The following GBE1 variants were observed in gnomAD, a reference collection of about 807,000 sequenced individuals.
GBE1 encodes the protein 1,4-alpha-glucan-branching enzyme.
In GBE1, 70 loss-of-function variants were observed where a neutral mutation model predicts 88.8. The ratio of observed to expected loss-of-function variants is 0.79; its 90% CI spans 0.65 to 0.96. GBE1 has a LOEUF of 0.96. Ranked by LOEUF, GBE1 falls within the 40% of genes least tolerant of loss-of-function variation. The pLI is 0.00. For synonymous variants in GBE1, 284 were observed against 300.1 expected, an observed-to-expected ratio of 0.95 and a Z score of 0.56; for missense variants, 872 against 871.0, an observed-to-expected ratio of 1.00 and a Z score of -0.01.
chr3:81,750,611 A>ACG lies in GBE1; in HGVS notation c.143+10763_143+10764insCG, dbSNP rs1221840398. Among the ~76,000 whole-genome samples the ACG allele has an allele frequency of 4.7e-4, 28 of 59,524 alleles. 1 individual carries two copies. The highest frequency in any genetic ancestry group is 2.1e-3 in the African/African-American group (24 of 11,170). 39.1% of individuals were successfully genotyped at this position (59,524 alleles called of 152,430 possible). On this transcript the variant is annotated intron_variant, in intron 1 of 15. Transcript: ENST00000429644. Reference sequence around the variant, plus strand: ...TACGTATATATATATGTGTATATATATATATGTATATATATATACGTATAT... The same window carrying ACG: ...TACGTATATATATATGTGTATATATACGTATATGTATATATATATACGTATAT...
chr3:81,612,273 G>A, intron 7 of GBE1: 2 of 557,964 alleles, frequency 3.6e-6, no homozygotes, highest in Non-Finnish European at 5.6e-6. Context: ...TCCTCATGTT[G>A]CCTCTTCCTG....
chr3:81,736,678 G>A (rs919143395), intron 1 of GBE1, among the ~76,000 whole-genome samples: 5 of 152,034 alleles, frequency 3.3e-5, no homozygotes, highest in Admixed American at 1.3e-4. Flanking sequence ...TTGGCTACAG[G>A]GCTTCCTAAA....
chr3:81,546,572 C>T (rs1291933470), intron 12 of GBE1, among the ~76,000 whole-genome samples: 1 of 151,286 alleles, frequency 6.6e-6, no homozygotes, highest in African/African-American at 2.4e-5. Flanking sequence ...CCAGCTAAAA[C>T]CCACCAAAAC....
In GBE1 at chr3:81,548,386, C is replaced by T. The variant is rs1331978172; in HGVS notation, c.1619-11291G>A. On this transcript the variant is annotated intron_variant, in intron 12 of 15. Transcript: ENST00000429644. ...AAGGTGAAATTTGGCTTATTTGGTA[C>T]AAAAATCATACAGGAAGCACTGTCA... Among the ~76,000 whole-genome samples the T allele has an allele frequency of 3.3e-5, 5 of 151,216 alleles. 1 individual carries two copies. The highest frequency in any genetic ancestry group is 6.6e-5 in the Admixed American group (1 of 15,192).
At chr3:81,500,383 A>G (rs1205053887) in intron 14 of GBE1, among the ~76,000 whole-genome samples, 2 of 152,246 alleles carry the variant, frequency 1.3e-5, no homozygotes, top group African/African-American at 4.8e-5. Flanking sequence ...ATGAAAATAA[A>G]TAATCAAAGA....
Position 81,612,235 on chromosome 3 carries a change from A to AAAC in GBE1, c.993-18213_993-18212insGTT, listed in dbSNP as rs1553685864. The AAAC allele has an allele frequency of 2.5e-5, 13 of 512,598 alleles. 1 individual carries two copies. In the Admixed American group the frequency reaches 3.2e-4, roughly 13 times the overall value. 31.8% of individuals were successfully genotyped at this position (512,598 alleles called of 1,614,324 possible). A position where few individuals can be genotyped will look rare whatever the true frequency, so the allele number is the denominator to read the frequency against. On this transcript the variant is annotated intron_variant, in intron 7 of 15. Coordinates refer to ENST00000429644, the MANE Select transcript of GBE1 (RefSeq NM_000158.4). ...CACGCTCCTTTAAAAAAAAAAAAAA[A>AAAC]AAAAAAAACTTAAAGAAGCTCTCTG...
chr3:81,731,582 A>G (rs1454396239), intron 1 of GBE1, among the ~76,000 whole-genome samples: 3 of 152,156 alleles, frequency 2.0e-5, no homozygotes, highest in Non-Finnish European at 4.4e-5. Context: ...TCAAATTGTA[A>G]TAATACCTAA....
intron 1 of GBE1, among the ~76,000 whole-genome samples, chr3:81,716,565 A>G (rs1025329232): frequency 6.6e-6 from 1 of 152,160 alleles, no homozygotes; most frequent in African/African-American, 2.4e-5. Context: ...ATTTAGTGGT[A>G]CCATTTAGAA....
At chr3:81,602,812 T>C (rs1372651235) in intron 7 of GBE1, among the ~76,000 whole-genome samples, 3 of 152,212 alleles carry the variant, frequency 2.0e-5, no homozygotes, top group African/African-American at 4.8e-5. Context: ...TATTCTTTCT[T>C]GTTTTAATCA....
At chr3:81,744,425 G>A (rs779595654) in intron 1 of GBE1, among the ~76,000 whole-genome samples, 1 of 152,034 alleles carries the variant, frequency 6.6e-6, no homozygotes, top group Non-Finnish European at 1.5e-5. Context: ...CATTTCTATT[G>A]GATAACATTG....
At chr3:81,750,697 ATTTTTTT>A in intron 1 of GBE1, among the ~76,000 whole-genome samples, 1 of 78,934 alleles carries the variant, frequency 1.3e-5, no homozygotes, top group East Asian at 4.2e-4. Context: ...ATATATATGT[ATTTTTTT>A]TTTTTTGGCT....
intron 7 of GBE1, among the ~76,000 whole-genome samples, chr3:81,605,752 G>A (rs1015343949): frequency 2.6e-5 from 4 of 152,098 alleles, no homozygotes; most frequent in Admixed American, 6.6e-5. Flanking sequence ...AGGTCTCAGC[G>A]TTGCATGGCT....
chr3:81,634,109 G>A (rs9860805), intron 7 of GBE1, among the ~76,000 whole-genome samples: 97,994 of 152,050 alleles, frequency 0.64, 33,209 homozygotes, highest in East Asian at 0.94. Flanking sequence ...CAGGTTGCCA[G>A]TAAGAACCAC....
intron 6 of GBE1, among the ~76,000 whole-genome samples, chr3:81,645,481 C>A (rs1241252260): frequency 6.6e-6 from 1 of 152,130 alleles, no homozygotes; most frequent in South Asian, 2.1e-4. Flanking sequence ...ATACCCTTGA[C>A]AAAAGCAACT....
intron 12 of GBE1, among the ~76,000 whole-genome samples, chr3:81,573,319 T>G (rs1703599489): frequency 6.6e-6 from 1 of 152,216 alleles, no homozygotes; most frequent in Non-Finnish European, 1.5e-5. Context: ...GCTTCAAGCC[T>G]ACTCTTACTT....
intron 11 of GBE1, among the ~76,000 whole-genome samples, chr3:81,580,817 A>G (rs1703717591): frequency 6.6e-6 from 1 of 152,052 alleles, no homozygotes; most frequent in Non-Finnish European, 1.5e-5. Flanking sequence ...GCAGCCTAAG[A>G]CGGAAACTAA....
rs566321711 is a variant in GBE1 at position 81,751,323 on chromosome 3, C to T, written c.143+10052G>A. 9.6e-4 allele frequency among the ~76,000 whole-genome samples: 146 copies of T among 152,266 alleles called. 1 individual carries two copies. Among genetic ancestry groups the T allele is most frequent in the Admixed American group, 3.1e-3 (47 of 15,292 alleles). ...TTTCATCTTCTGCCAGATGTAGTTT[C>T]CTCTTTGGAGAAAGGAAAAGAGCCC... On this transcript the variant is annotated intron_variant, in intron 1 of 15. Transcript: ENST00000429644.
intron 12 of GBE1, among the ~76,000 whole-genome samples, chr3:81,570,902 GAAAAAT>G (rs1013135394): frequency 6.6e-6 from 1 of 152,076 alleles, no homozygotes; most frequent in Non-Finnish European, 1.5e-5. Flanking sequence ...CTGGCAAGTA[GAAAAAT>G]AACTCCATGT....
intron 1 of GBE1, among the ~76,000 whole-genome samples, chr3:81,750,988 A>G (rs890652785): frequency 6.6e-6 from 1 of 151,668 alleles, no homozygotes; most frequent in Non-Finnish European, 1.5e-5. Flanking sequence ...ACATTCTTAT[A>G]TTTTCTAAGA....
Sources: allele counts gnomAD v4.1 joint callset (sites outside exome capture counted in the v4.1 genomes callset), GRCh38; gene constraint gnomAD v4.1.1; transcripts MANE v1.5; gene names NCBI Gene and HGNC (gene_info 2026-07-23, HGNC 2026-07-21).